The following CSMD3 variants were observed in gnomAD, a reference collection of about 807,000 sequenced individuals.
CSMD3 encodes CUB and sushi domain-containing protein 3.
A neutral mutation model predicts 435.2 loss-of-function variants in CSMD3; 177 were observed. The observed-to-expected ratio is 0.41, with a 90% CI of 0.36 to 0.46. The LOEUF (loss-of-function observed/expected upper bound fraction) is 0.46, where lower values mean the gene tolerates loss of function less well. Among genes scored for constraint, CSMD3 ranks in the 20% least tolerant of loss-of-function variants. The probability of loss-of-function intolerance (pLI) is 0.34; values close to 1 mark genes in which losing one functional copy is unlikely to be tolerated. For synonymous variants in CSMD3, 1,656 were observed against 1,520.5 expected, an observed-to-expected ratio of 1.09 and a Z score of -2.07; for missense variants, 4,265 against 4,504.6, an observed-to-expected ratio of 0.95 and a Z score of 1.52.
intron 12 of CSMD3, among the ~76,000 whole-genome samples, chr8:112,801,574 A>G (rs966733132): frequency 6.6e-6 from 1 of 152,066 alleles, no homozygotes; most frequent in Non-Finnish European, 1.5e-5. Context: ...ATTTTAAATT[A>G]CCATAATATA....
At chr8:113,376,807 G>A in intron 1 of CSMD3, 1 of 1,613,896 alleles carries the variant, frequency 6.2e-7, no homozygotes. Flanking sequence ...CAACCGGGTT[G>A]TGCTGAAGAG....
chr8:112,352,647 A>C, intron 38 of CSMD3, 113 bp from the exon 39 acceptor site: 1 of 919,176 alleles, frequency 1.1e-6, no homozygotes, highest in Non-Finnish European at 1.8e-6. Context: ...TAGATACTAT[A>C]TTGAGACGTT....
intron 9 of CSMD3, among the ~76,000 whole-genome samples, chr8:112,922,132 C>G (rs1424483063): frequency 6.6e-6 from 1 of 152,046 alleles, no homozygotes; most frequent in Non-Finnish European, 1.5e-5. Flanking sequence ...TATGCATTTA[C>G]ACATGCATTT....
At chr8:112,698,640 C>G (rs73344623) in intron 13 of CSMD3, among the ~76,000 whole-genome samples, 2,650 of 152,188 alleles carry the variant, frequency 0.017, 75 homozygotes, top group African/African-American at 0.061. Flanking sequence ...TGAAGAAGCT[C>G]CATTGGCTAT....
chr8:112,801,469 A>C (rs1202238588), intron 12 of CSMD3, among the ~76,000 whole-genome samples: 1 of 152,064 alleles, frequency 6.6e-6, no homozygotes, highest in African/African-American at 2.4e-5. Context: ...TTATGGGATT[A>C]TATATTACAC....
Position 112,237,364 on chromosome 8 carries a change from A to G in CSMD3, c.10469-16T>C, listed in dbSNP as rs796451064. 6 of 1,556,168 alleles carry G rather than the reference A, an allele frequency of 3.9e-6. No individual in the cohort carries two copies. In the African/African-American group the frequency reaches 6.8e-5, roughly 18 times the overall value. ...TCATCAGGAACTGTGAATAGATTAA[A>G]TATACCACACATTAATTTTACAATG... On this transcript the variant is annotated splice_polypyrimidine_tract_variant and intron_variant, in intron 66 of 70. Coordinates refer to ENST00000297405, the MANE Select transcript of CSMD3 (RefSeq NM_198123.2).
chr8:112,316,996 T>C (rs904116490), intron 47 of CSMD3, among the ~76,000 whole-genome samples: 1 of 151,976 alleles, frequency 6.6e-6, no homozygotes, highest in Non-Finnish European at 1.5e-5. Flanking sequence ...ATGACTGTCT[T>C]AGCAAGCTTG....
At chr8:113,409,014 A>C (rs948528450) in intron 1 of CSMD3, among the ~76,000 whole-genome samples, 11 of 151,714 alleles carry the variant, frequency 7.3e-5, no homozygotes, top group South Asian at 2.1e-4. Flanking sequence ...TTCTCGGCCC[A>C]TAGCCAACAG....
intron 19 of CSMD3, among the ~76,000 whole-genome samples, chr8:112,649,763 T>G (rs993606607): frequency 4.6e-5 from 7 of 152,338 alleles, no homozygotes; most frequent in African/African-American, 1.7e-4. Flanking sequence ...GTAGACAGGC[T>G]GGCCTTCTAT....
chr8:113,071,026 T>A (rs930357164), intron 5 of CSMD3, among the ~76,000 whole-genome samples: 2 of 151,998 alleles, frequency 1.3e-5, no homozygotes, highest in Non-Finnish European at 2.9e-5. Context: ...AGATGTGAGG[T>A]CATATCTTAT....
chr8:112,482,928 A>G (rs1217456570), intron 31 of CSMD3, among the ~76,000 whole-genome samples: 2 of 152,142 alleles, frequency 1.3e-5, no homozygotes, highest in Non-Finnish European at 2.9e-5. Flanking sequence ...ATTAATGTCC[A>G]TATCTATCTC....
At chr8:112,623,175 A>G (rs980961160) in intron 22 of CSMD3, among the ~76,000 whole-genome samples, 8 of 152,136 alleles carry the variant, frequency 5.3e-5, no homozygotes, top group Non-Finnish European at 1.2e-4. Context: ...TTTGCTCCAC[A>G]TTGACTATAC....
chr8:113,062,588 C>T (rs865807800), intron 5 of CSMD3, among the ~76,000 whole-genome samples: 1 of 151,630 alleles, frequency 6.6e-6, no homozygotes, highest in East Asian at 1.9e-4. Flanking sequence ...GTTGAATAGG[C>T]CTATTACTAC....
chr8:112,754,725 C>G (rs1587187102), intron 13 of CSMD3, among the ~76,000 whole-genome samples: 1 of 152,240 alleles, frequency 6.6e-6, no homozygotes, highest in African/African-American at 2.4e-5. Context: ...TGCCTGAAAC[C>G]TCTGGCAAAC....
chr8:112,224,487 TATGCA>T lies in CSMD3; in HGVS notation c.*279_*283del, dbSNP rs1456885770. ...ACTGATAGTGGATGCTCCTCCAATA[TATGCA>T]AATAAGTTTATATTTTAGAATAATC... On this transcript the variant is annotated 3_prime_UTR_variant, in exon 71 of 71. Coordinates refer to ENST00000297405, the MANE Select transcript of CSMD3 (RefSeq NM_198123.2). 7.0e-6 allele frequency: 3 copies of T among 428,786 alleles called. No homozygotes were observed. The highest frequency in any genetic ancestry group is 1.3e-5 in the Non-Finnish European group (3 of 229,592). 26.6% of individuals were successfully genotyped at this position (428,786 alleles called of 1,614,324 possible). A position where few individuals can be genotyped will look rare whatever the true frequency, so the allele number is the denominator to read the frequency against.
At chr8:112,527,406 C>T (rs1054030109) in intron 27 of CSMD3, among the ~76,000 whole-genome samples, 1 of 151,628 alleles carries the variant, frequency 6.6e-6, no homozygotes, top group Non-Finnish European at 1.5e-5. Context: ...GTATGCAGCT[C>T]ATAACATATC....
rs1008927100 is a variant in CSMD3, at chr8:112,536,491, A to G, written c.4564+14180T>C. On this transcript the variant is annotated intron_variant, in intron 27 of 70. Coordinates refer to ENST00000297405, the MANE Select transcript of CSMD3 (RefSeq NM_198123.2). ...AATGAGATACCATCTCACACCAGTT[A>G]GAATGGCAATCATTAAAAAGTCAGG... Among the ~76,000 whole-genome samples the G allele has an allele frequency of 3.5e-3, 538 of 152,288 alleles. 1 individual carries two copies. Among genetic ancestry groups the G allele is most frequent in the African/African-American group, 0.012 (517 of 41,570 alleles).
intron 10 of CSMD3, among the ~76,000 whole-genome samples, chr8:112,914,435 C>T (rs113090417): frequency 6.6e-6 from 1 of 151,712 alleles, no homozygotes; most frequent in African/African-American, 2.4e-5. Context: ...CTGCCATGTG[C>T]CAGGCATTGC....
At chr8:113,011,473 CA>C (rs1390933613) in intron 6 of CSMD3, among the ~76,000 whole-genome samples, 1 of 151,684 alleles carries the variant, frequency 6.6e-6, no homozygotes, top group Non-Finnish European at 1.5e-5. Context: ...ACTTTTCTAT[CA>C]AATACACATA....
Sources: gnomAD v4.1 joint callset for allele counts (sites outside exome capture counted in the v4.1 genomes callset) on GRCh38, gnomAD v4.1.1 for gene constraint, MANE v1.5 for transcripts, NCBI Gene and HGNC (gene_info 2026-07-23, HGNC 2026-07-21) for gene names.